Variants in REEP2 observed in about 807,000 individuals in gnomAD.
The protein encoded by REEP2 is receptor accessory protein 2.
REEP2 carries 9 observed loss-of-function variants against 32.1 expected under a neutral mutation model. That is an observed-to-expected ratio of 0.28 (90% CI 0.17 to 0.49). The LOEUF (loss-of-function observed/expected upper bound fraction) is 0.49, where lower values mean the gene tolerates loss of function less well. Ranked by LOEUF, REEP2 falls within the 20% of genes least tolerant of loss-of-function variation. REEP2 has a pLI of 0.99. For synonymous variants in REEP2, 128 were observed against 139.1 expected, an observed-to-expected ratio of 0.92 and a Z score of 0.56; for missense variants, 236 against 338.0, an observed-to-expected ratio of 0.70 and a Z score of 2.37.
At position 138,443,252 on chromosome 5, in the gene REEP2, G is replaced by A. The variant is rs1049580521; in HGVS notation, c.183-1163G>A. Among the ~76,000 whole-genome samples, 3 of 151,944 alleles carry A rather than the reference G, an allele frequency of 2.0e-5. 1 individual carries two copies. Among genetic ancestry groups the A allele is most frequent in the African/African-American group, 7.2e-5 (3 of 41,384 alleles). The stretch of plus-strand genomic sequence containing the variant: ...AGGGGGGGCAGATCACCTGAGGTCA[G>A]GAGTTCGAGACCAGCCTGACCAACA... On this transcript the variant is annotated intron_variant, in intron 3 of 7. Transcript: ENST00000378339.
chr5:138,443,151 C>A (rs991386071), intron 3 of REEP2, among the ~76,000 whole-genome samples: 2 of 151,898 alleles, frequency 1.3e-5, no homozygotes, highest in African/African-American at 4.8e-5. Flanking sequence ...GGCAACATAG[C>A]AAGACCTGCC....
intron 3 of REEP2, among the ~76,000 whole-genome samples, chr5:138,442,054 G>C (rs571435623): frequency 6.6e-6 from 1 of 152,352 alleles, no homozygotes; most frequent in Admixed American, 6.5e-5. Flanking sequence ...ACCTTAGGCA[G>C]GTCACAGCTC....
chr5:138,445,735 G>A lies in REEP2; in HGVS notation c.749G>A (p.Gly250Glu), dbSNP rs1763918446. The change falls in exon 8 of 8, where the codon GGG becomes GAG. Residue 250 changes from glycine to glutamate, a missense_variant. Transcript: ENST00000378339. ...KTRPKKKTSGGGDSA is the reference protein window; with the variant it reads ...KTRPKKKTSGEGDSA The stretch of plus-strand genomic sequence containing the variant: ...CGGCCCAAGAAGAAGACCTCTGGCG[G>A]GGGCGACTCAGCTTGAGCCCCTCCA... 1.9e-6 allele frequency: 3 copies of A among 1,613,920 alleles called. No homozygotes were observed. In the African/African-American group the frequency reaches 4.0e-5, roughly 22 times the overall value.
chr5:138,444,738 C>T lies in REEP2; in HGVS notation c.304-16C>T. 1 of 1,608,762 alleles carries T rather than the reference C, an allele frequency of 6.2e-7. No homozygotes were observed. On this transcript the variant is annotated splice_polypyrimidine_tract_variant and intron_variant, in intron 4 of 7. Coordinates refer to ENST00000378339, the MANE Select transcript of REEP2 (RefSeq NM_001271803.2). ...GCAGGACCTCTCCTCTTCTCCCTTC[C>T]CCTCCAATCCCATAGGAGATCGACG...
chr5:138,444,305 G>T, intron 3 of REEP2, 110 bp from the exon 4 acceptor site: 1 of 1,336,602 alleles, frequency 7.5e-7, no homozygotes. Context: ...GGACCCCAGT[G>T]CACTAAGAGT....
At chr5:138,439,348 G>T in intron 1 of REEP2, 108 bp downstream of exon 1, 3 of 1,186,380 alleles carry the variant, frequency 2.5e-6, no homozygotes, top group Non-Finnish European at 3.5e-6. Flanking sequence ...ACCTAAAGGC[G>T]CTGCGTCCTT....
chr5:138,439,310 C>T (rs1580974032), intron 1 of REEP2, 70 bp downstream of exon 1: 1 of 1,366,928 alleles, frequency 7.3e-7, no homozygotes, highest in East Asian at 2.7e-5. Flanking sequence ...CCCGGGTGGA[C>T]TTCTCCGAAG....
chr5:138,440,153 GAC>G (rs1763795281), intron 1 of REEP2, among the ~76,000 whole-genome samples: 2 of 152,184 alleles, frequency 1.3e-5, no homozygotes, highest in Admixed American at 6.5e-5. Context: ...CCCTAATGAG[GAC>G]ACTGCCCCTC....
rs563865197 is a variant in REEP2 at position 138,446,296 on chromosome 5, G to A, written c.*545G>A. 6.5e-6 allele frequency: 1 copy of A among 154,862 alleles called. No individual in the cohort carries two copies. Among genetic ancestry groups the A allele is most frequent in the East Asian group, 1.9e-4 (1 of 5,206 alleles). The allele number at this position is 154,862 out of a possible 1,614,324, so 9.6% of individuals were successfully genotyped here. Reference sequence around the variant, plus strand: ...TGGCCTGTGCTTCAGCGACCAGGATGGCCAGGCCAGAGCTGCAGCTGGGGG... The same window carrying A: ...TGGCCTGTGCTTCAGCGACCAGGATAGCCAGGCCAGAGCTGCAGCTGGGGG... On this transcript the variant is annotated 3_prime_UTR_variant, in exon 8 of 8. Transcript: ENST00000378339.
intron 1 of REEP2, 46 bp downstream of exon 1, chr5:138,439,286 CG>C: frequency 1.4e-6 from 2 of 1,428,766 alleles, no homozygotes; most frequent in South Asian, 1.6e-5. Flanking sequence ...TGATGGAGGG[CG>C]GGGGTGTTAA....
Position 138,441,351 on chromosome 5 carries a change from C to A in REEP2, c.106-34C>A. 3.8e-6 allele frequency: 6 copies of A among 1,598,704 alleles called. No homozygotes were observed. Among genetic ancestry groups the A allele is most frequent in the Non-Finnish European group, 5.1e-6 (6 of 1,165,870 alleles). On this transcript the variant is annotated intron_variant, in intron 2 of 7. Transcript: ENST00000378339. The surrounding 1 kb of genome is among the most constrained non-coding windows in gnomAD (Gnocchi z 4.4). ...CTGGGTGTCCCTGGCCCCTCAGCCC[C>A]GTGCCCCAGCCAGCGCTTCCCTCTG...
intron 1 of REEP2, among the ~76,000 whole-genome samples, chr5:138,440,036 C>T (rs1188211673): frequency 6.6e-6 from 1 of 152,206 alleles, no homozygotes; most frequent in Non-Finnish European, 1.5e-5. Flanking sequence ...TTGCACCAGC[C>T]GGTTTGGAAG....
intron 3 of REEP2, chr5:138,443,484 G>A (rs1442352513): frequency 6.9e-6 from 1 of 144,498 alleles, no homozygotes; most frequent in Non-Finnish European, 1.5e-5. Flanking sequence ...AAAAAAAGAT[G>A]AGAGTAGGGC....
intron 3 of REEP2, among the ~76,000 whole-genome samples, chr5:138,442,295 G>A (rs573947411): frequency 5.5e-4 from 84 of 152,242 alleles, no homozygotes; most frequent in East Asian, 5.2e-3. Flanking sequence ...ACAGTTCATC[G>A]GAACTCAAGA....
In REEP2 at chr5:138,446,215, A is replaced by G. The variant is rs1763930526; in HGVS notation, c.*464A>G. On this transcript the variant is annotated 3_prime_UTR_variant, in exon 8 of 8. Coordinates refer to ENST00000378339, the MANE Select transcript of REEP2 (RefSeq NM_001271803.2). ...GGGGGAAAGGGAGCACACGGGGAGG[A>G]CGTTGGGGACCCTGGGTGGGGCCTC... 1 of 158,694 alleles carries G rather than the reference A, an allele frequency of 6.3e-6. No homozygotes were observed. Among genetic ancestry groups the G allele is most frequent in the Non-Finnish European group, 1.4e-5 (1 of 72,118 alleles). The allele number at this position is 158,694 out of a possible 1,614,324, so 9.8% of individuals were successfully genotyped here.
Position 138,441,329 on chromosome 5 carries a change from G to A in REEP2, c.106-56G>A. 1.3e-6 allele frequency: 2 copies of A among 1,501,528 alleles called. No homozygotes were observed. Among genetic ancestry groups the A allele is most frequent in the Non-Finnish European group, 9.3e-7 (1 of 1,077,614 alleles). 93.0% of individuals were successfully genotyped at this position (1,501,528 alleles called of 1,614,324 possible). The stretch of plus-strand genomic sequence containing the variant: ...TTCAACAGGCAGAGCTGGGGTCCTG[G>A]GTGTCCCTGGCCCCTCAGCCCCGTG... On this transcript the variant is annotated intron_variant, in intron 2 of 7. Transcript: ENST00000378339. This position sits in a 1 kb window ranked among gnomAD's most constrained non-coding sequence, Gnocchi z 4.4.
chr5:138,440,129 G>A (rs921095376), intron 1 of REEP2, among the ~76,000 whole-genome samples: 2 of 152,198 alleles, frequency 1.3e-5, no homozygotes, highest in Admixed American at 6.5e-5. Flanking sequence ...CGTGGTTCTC[G>A]GAGCTATCCC....
chr5:138,440,302 A>G (rs530841869), intron 1 of REEP2, among the ~76,000 whole-genome samples: 2 of 152,298 alleles, frequency 1.3e-5, no homozygotes, highest in Non-Finnish European at 2.9e-5. Flanking sequence ...CCCAGGGGGA[A>G]TGGAGGGGCC....
intron 1 of REEP2, chr5:138,439,649 G>A (rs901652485): frequency 2.2e-6 from 1 of 463,660 alleles, no homozygotes. Flanking sequence ...ATGGAAGAGA[G>A]TGGAGCAAGG....
Sources: allele counts gnomAD v4.1 joint callset (sites outside exome capture counted in the v4.1 genomes callset), GRCh38; gene constraint gnomAD v4.1.1; non-coding constraint Gnocchi (gnomAD v3.1); transcripts MANE v1.5; gene names NCBI Gene and HGNC (gene_info 2026-07-23, HGNC 2026-07-21).